Variants in TJP1 observed in about 807,000 individuals in gnomAD.
TJP1 encodes the protein tight junction protein ZO-1.
A neutral mutation model predicts 194.2 loss-of-function variants in TJP1; 43 were observed. That is an observed-to-expected ratio of 0.22 (90% CI 0.17 to 0.29). The LOEUF (loss-of-function observed/expected upper bound fraction) is 0.29, where lower values mean the gene tolerates loss of function less well. TJP1 is among the 10% of genes least tolerant of loss of function. The pLI, the probability that TJP1 is intolerant of heterozygous loss-of-function variation, is 1.00. For missense variants in TJP1, 1,971 were observed against 2,185.7 expected (o/e 0.90, Z 1.96); for synonymous variants, 801 against 779.0 (o/e 1.03, Z -0.47).
chr15:29,883,724 C>T (rs969141009), intron 2 of TJP1, among the ~76,000 whole-genome samples: 3 of 151,674 alleles, frequency 2.0e-5, no homozygotes, highest in African/African-American at 4.8e-5. Context: ...TTATGGCTTT[C>T]AGAAAAGAAA....
chr15:29,749,148 G>GT (rs71103409), intron 8 of TJP1, among the ~76,000 whole-genome samples: 17,832 of 141,062 alleles, frequency 0.13, 1,085 homozygotes, highest in African/African-American at 0.15. Flanking sequence ...AGTTTCTGTT[G>GT]TTTTTTTTTT....
At chr15:29,960,241 G>T (rs1024184065) in intron 1 of TJP1, among the ~76,000 whole-genome samples, 4 of 152,008 alleles carry the variant, frequency 2.6e-5, no homozygotes, top group Admixed American at 1.3e-4. Flanking sequence ...AGATAGTCAA[G>T]AAATTTACCA....
At chr15:29,955,744 C>A (rs1444950995) in intron 2 of TJP1, among the ~76,000 whole-genome samples, 1 of 88,214 alleles carries the variant, frequency 1.1e-5, no homozygotes, top group African/African-American at 4.0e-5. Context: ...GAAGGAGACC[C>A]TGGCTCTTTA....
At chr15:29,890,149 T>C (rs1172987159) in intron 2 of TJP1, among the ~76,000 whole-genome samples, 2 of 152,066 alleles carry the variant, frequency 1.3e-5, no homozygotes, top group Admixed American at 6.6e-5. Flanking sequence ...CACCCCGACC[T>C]TGAGTCCACC....
At chr15:29,933,728 C>T (rs1403355) in intron 2 of TJP1, among the ~76,000 whole-genome samples, 22,610 of 151,758 alleles carry the variant, frequency 0.15, 2,053 homozygotes, top group East Asian at 0.38. Context: ...CTTCTCTGGG[C>T]GAGAAGCCCA....
intron 8 of TJP1, among the ~76,000 whole-genome samples, chr15:29,751,702 A>T: frequency 6.6e-6 from 1 of 152,242 alleles, no homozygotes; most frequent in East Asian, 2.0e-4. Context: ...GGTAGATTTT[A>T]TAGTGGGAGA....
intron 5 of TJP1, among the ~76,000 whole-genome samples, chr15:29,765,080 A>T (rs1442119738): frequency 3.3e-5 from 5 of 152,230 alleles, no homozygotes; most frequent in African/African-American, 1.2e-4. Context: ...AGAAAGATAC[A>T]GTACTACCAA....
At chr15:29,950,696 C>T (rs912795538) in intron 2 of TJP1, among the ~76,000 whole-genome samples, 2 of 152,176 alleles carry the variant, frequency 1.3e-5, no homozygotes, top group Non-Finnish European at 2.9e-5. Flanking sequence ...CCTCCATGGA[C>T]TTTCTTTCTA....
At chr15:29,727,383 C>T (rs777000398) in intron 16 of TJP1, among the ~76,000 whole-genome samples, 2 of 152,110 alleles carry the variant, frequency 1.3e-5, no homozygotes, top group East Asian at 1.9e-4. Flanking sequence ...AAACAAAACA[C>T]CCCATCACAT....
At chr15:29,949,607 ACCT>A (rs2055525306) in intron 2 of TJP1, among the ~76,000 whole-genome samples, 1 of 75,868 alleles carries the variant, frequency 1.3e-5, no homozygotes, top group Non-Finnish European at 2.8e-5. Flanking sequence ...CACCACCTCC[ACCT>A]TCACCACCAC....
intron 8 of TJP1, among the ~76,000 whole-genome samples, chr15:29,747,374 T>A (rs2044866734): frequency 6.6e-6 from 1 of 152,216 alleles, no homozygotes; most frequent in African/African-American, 2.4e-5. Context: ...TAGCTAAGTA[T>A]AAATCAACAA....
chr15:29,794,061 T>A (rs1160814680), intron 2 of TJP1, among the ~76,000 whole-genome samples: 1 of 152,230 alleles, frequency 6.6e-6, no homozygotes, highest in East Asian at 1.9e-4. Flanking sequence ...AAATGTTTGG[T>A]AGAGTTCAGC....
chr15:29,869,774 C>A (rs2052431580), intron 2 of TJP1, among the ~76,000 whole-genome samples: 1 of 148,962 alleles, frequency 6.7e-6, no homozygotes. Context: ...TATCCTTTCC[C>A]CTGTCTTTCT....
At chr15:29,829,850 C>T (rs918927295) in intron 2 of TJP1, among the ~76,000 whole-genome samples, 10 of 151,182 alleles carry the variant, frequency 6.6e-5, no homozygotes, top group African/African-American at 2.2e-4. Flanking sequence ...TTTTAAAGGA[C>T]GATAAATACA....
chr15:29,762,125 G>C (rs2293187), intron 6 of TJP1, among the ~76,000 whole-genome samples: 3 of 152,168 alleles, frequency 2.0e-5, no homozygotes, highest in Non-Finnish European at 2.9e-5. Context: ...GTACCGGCCT[G>C]TGAATAATTA....
intron 23 of TJP1, among the ~76,000 whole-genome samples, chr15:29,712,780 T>C (rs1261996835): frequency 6.6e-6 from 1 of 150,498 alleles, no homozygotes; most frequent in Non-Finnish European, 1.5e-5. Context: ...ATTAGCAGGT[T>C]CTGAATAAGT....
chr15:29,875,234 A>T (rs1257104485), intron 2 of TJP1, among the ~76,000 whole-genome samples: 1 of 152,238 alleles, frequency 6.6e-6, no homozygotes, highest in Non-Finnish European at 1.5e-5. Flanking sequence ...CCCTATGATA[A>T]GGCACTGTGG....
upstream of TJP1, among the ~76,000 whole-genome samples, chr15:29,824,701 C>G (rs190655989): frequency 5.9e-5 from 9 of 152,276 alleles, no homozygotes; most frequent in Non-Finnish European, 1.2e-4. Context: ...TGTGCAATTG[C>G]ATAAGCTGCC....
At chr15:29,958,978 G>C (rs1254181958) in intron 1 of TJP1, among the ~76,000 whole-genome samples, 1 of 150,938 alleles carries the variant, frequency 6.6e-6, no homozygotes, top group African/African-American at 2.5e-5. Flanking sequence ...AATTTCTAAA[G>C]TAGCTAGTTT....
Sources: allele counts gnomAD v4.1 joint callset (sites outside exome capture counted in the v4.1 genomes callset), GRCh38; gene constraint gnomAD v4.1.1; transcripts MANE v1.5; gene names NCBI Gene and HGNC (gene_info 2026-07-23, HGNC 2026-07-21).